Variants in TSC22D1 observed in about 807,000 individuals in gnomAD.
The protein encoded by TSC22D1 is TSC22 domain family protein 1.
TSC22D1 carries 9 observed loss-of-function variants against 74.2 expected under a neutral mutation model. The observed-to-expected ratio is 0.12, with a 90% CI of 0.07 to 0.21. The LOEUF (loss-of-function observed/expected upper bound fraction) is 0.21, where lower values mean the gene tolerates loss of function less well. TSC22D1 is among the 10% of genes least tolerant of loss of function. TSC22D1 has a pLI of 1.00. For synonymous variants in TSC22D1, 586 were observed against 492.5 expected, an observed-to-expected ratio of 1.19 and a Z score of -2.51; for missense variants, 1,427 against 1,304.7, an observed-to-expected ratio of 1.09 and a Z score of -1.44.
chr13:44,531,882 T>C (rs1041711), intron 1 of TSC22D1, among the ~76,000 whole-genome samples: 139,579 of 152,240 alleles, frequency 0.92, 64,270 homozygotes, highest in Admixed American at 0.96. Context: ...TCTCAAACTT[T>C]CAGGACTACT....
intron 1 of TSC22D1, among the ~76,000 whole-genome samples, chr13:44,544,965 G>T (rs528255748): frequency 6.6e-6 from 1 of 152,242 alleles, no homozygotes; most frequent in Admixed American, 6.5e-5. Context: ...GGCAATCATA[G>T]AAACACAGTT....
At chr13:44,565,999 CTTAACAT>C (rs946581337) in intron 1 of TSC22D1, among the ~76,000 whole-genome samples, 10 of 152,242 alleles carry the variant, frequency 6.6e-5, no homozygotes, top group African/African-American at 2.2e-4. Flanking sequence ...ACATGTCCAC[CTTAACAT>C]TTAACATTTG....
At chr13:44,507,876 G>A (rs1195820263) in intron 1 of TSC22D1, among the ~76,000 whole-genome samples, 1 of 152,102 alleles carries the variant, frequency 6.6e-6, no homozygotes, top group Non-Finnish European at 1.5e-5. Context: ...AAGATATAAG[G>A]CACTACGACA....
chr13:44,487,404 C>G (rs985480207), intron 1 of TSC22D1, among the ~76,000 whole-genome samples: 1 of 139,372 alleles, frequency 7.2e-6, no homozygotes, highest in Non-Finnish European at 1.5e-5. Context: ...GAGGCTAAGG[C>G]AGGAGAATCA....
intron 1 of TSC22D1, among the ~76,000 whole-genome samples, chr13:44,529,149 T>G (rs1373912437): frequency 2.6e-5 from 4 of 151,992 alleles, no homozygotes; most frequent in Non-Finnish European, 5.9e-5. Flanking sequence ...TACAGACTAA[T>G]CTCTCATTAA....
At chr13:44,500,637 T>A (rs1879182926) in intron 1 of TSC22D1, among the ~76,000 whole-genome samples, 1 of 152,162 alleles carries the variant, frequency 6.6e-6, no homozygotes, top group Admixed American at 6.6e-5. Context: ...AAGAAAGGTC[T>A]CCATCTGGGT....
chr13:44,577,260 T>C (rs1294593222), upstream of TSC22D1: 4 of 151,682 alleles, frequency 2.6e-5, no homozygotes, highest in Non-Finnish European at 5.9e-5. Context: ...GGGGCTGTGG[T>C]GGTTGTTACT....
chr13:44,511,039 G>A (rs1467952212), intron 1 of TSC22D1, among the ~76,000 whole-genome samples: 1 of 152,112 alleles, frequency 6.6e-6, no homozygotes, highest in African/African-American at 2.4e-5. Flanking sequence ...CAATCCCAGC[G>A]TTCTGGGAGG....
In TSC22D1 at chr13:44,574,957, G is replaced by A. The variant is rs183099073; in HGVS notation, c.1118C>T (p.Ser373Phe). 2 of 1,614,062 alleles carry A rather than the reference G, an allele frequency of 1.2e-6. No individual in the cohort carries two copies. The highest frequency in any genetic ancestry group is 1.3e-5 in the African/African-American group (1 of 75,044). The change falls in exon 1 of 3, where the codon TCT (serine) becomes TTT (phenylalanine). Residue 373 changes from serine (S) to phenylalanine (F), a missense_variant. By Grantham distance (155) the Ser-to-Phe change is radical. This residue lies in a region of TSC22D1 where 1,343 missense variants were observed against 1,191.5 expected (regional missense o/e 1.13). Transcript: ENST00000458659. ...ILSGMGNGTISSSAAVSSVPN... is the reference protein window; with the variant it reads ...ILSGMGNGTIFSSAAVSSVPN... The stretch of plus-strand genomic sequence containing the variant: ...AACACTGCTAACAGCAGCAGAGGAA[G>A]AAATAGTACCATTGCCCATGCCACT...
chr13:44,523,578 C>T (rs1162640544), intron 1 of TSC22D1, among the ~76,000 whole-genome samples: 1 of 152,126 alleles, frequency 6.6e-6, no homozygotes. Flanking sequence ...CAAAACTAGA[C>T]AGATAGTAAG....
intron 1 of TSC22D1, among the ~76,000 whole-genome samples, chr13:44,558,637 G>T (rs1386494330): frequency 6.6e-6 from 1 of 152,182 alleles, no homozygotes; most frequent in Non-Finnish European, 1.5e-5. Flanking sequence ...CTACTTAGGA[G>T]GCTGAGGCAG....
At chr13:44,528,176 A>G (rs990036571) in intron 1 of TSC22D1, among the ~76,000 whole-genome samples, 1 of 152,132 alleles carries the variant, frequency 6.6e-6, no homozygotes, top group Admixed American at 6.5e-5. Flanking sequence ...TGAACTAAAC[A>G]GCACCATCAA....
chr13:44,470,495 AT>A (rs1043521646), intron 1 of TSC22D1, among the ~76,000 whole-genome samples: 1 of 152,160 alleles, frequency 6.6e-6, no homozygotes, highest in African/African-American at 2.4e-5. Context: ...AGTCTAAAAT[AT>A]TTTTATAGGA....
Position 44,433,703 on chromosome 13 carries a change from T to C in TSC22D1, c.*923A>G. 1 of 424,886 alleles carries C rather than the reference T, an allele frequency of 2.4e-6. No homozygotes were observed. Among genetic ancestry groups the C allele is most frequent in the Middle Eastern group, 6.3e-4 (1 of 1,586 alleles). The allele number at this position is 424,886 out of a possible 1,614,324, so 26.3% of individuals were successfully genotyped here. On this transcript the variant is annotated 3_prime_UTR_variant, in exon 3 of 3. Coordinates refer to ENST00000458659, the MANE Select transcript of TSC22D1 (RefSeq NM_183422.4). ...AGTTAGAACTGAGCATTTTTCAAAGTATTCAACCAGCTCAATTGAAAGACT... is the reference window on the plus strand; with the variant it reads ...AGTTAGAACTGAGCATTTTTCAAAGCATTCAACCAGCTCAATTGAAAGACT...
chr13:44,528,299 A>G (rs1037950252), intron 1 of TSC22D1, among the ~76,000 whole-genome samples: 4 of 151,972 alleles, frequency 2.6e-5, no homozygotes, highest in African/African-American at 9.7e-5. Context: ...TCTGGGCAAT[A>G]AAAACATAAA....
intron 1 of TSC22D1, among the ~76,000 whole-genome samples, chr13:44,570,028 C>T (rs1460653829): frequency 6.6e-6 from 1 of 152,234 alleles, no homozygotes; most frequent in East Asian, 1.9e-4. Flanking sequence ...TTAAAGAGAA[C>T]ATCTGAGCTG....
intron 1 of TSC22D1, among the ~76,000 whole-genome samples, chr13:44,525,465 T>C (rs922479510): frequency 2.6e-5 from 4 of 152,162 alleles, no homozygotes; most frequent in Non-Finnish European, 4.4e-5. Context: ...GGCGCATGCC[T>C]GTAGTACCAT....
At chr13:44,449,530 C>T (rs997169607) in intron 1 of TSC22D1, among the ~76,000 whole-genome samples, 1 of 152,108 alleles carries the variant, frequency 6.6e-6, no homozygotes, top group African/African-American at 2.4e-5. Flanking sequence ...TAGCGGCAAT[C>T]ACTTTAAGAA....
At chr13:44,515,165 AG>A (rs1189771813) in intron 1 of TSC22D1, among the ~76,000 whole-genome samples, 1 of 152,212 alleles carries the variant, frequency 6.6e-6, no homozygotes, top group African/African-American at 2.4e-5. Flanking sequence ...GCAGATAGAC[AG>A]GAACGACACC....
Sources: gnomAD v4.1 joint callset for allele counts (sites outside exome capture counted in the v4.1 genomes callset) on GRCh38, gnomAD v4.1.1 for gene constraint, gnomAD v4.1.1 regional missense constraint, MANE v1.5 for transcripts, NCBI Gene and HGNC (gene_info 2026-07-23, HGNC 2026-07-21) for gene names.